The following TMC1 variants were observed in gnomAD, a reference collection of about 807,000 sequenced individuals.
The protein encoded by TMC1 is transmembrane channel-like protein 1.
In TMC1, 84 loss-of-function variants were observed where a neutral mutation model predicts 105.8. The observed-to-expected ratio is 0.79, with a 90% CI of 0.67 to 0.95. The LOEUF is 0.95. Ranked by LOEUF, TMC1 falls within the 40% of genes least tolerant of loss-of-function variation. TMC1 has a pLI of 0.00. For synonymous variants in TMC1, 315 were observed against 311.5 expected, an observed-to-expected ratio of 1.01 and a Z score of -0.12; for missense variants, 817 against 914.1, an observed-to-expected ratio of 0.89 and a Z score of 1.37.
At chr9:72,557,294 C>G (rs1823958458) in intron 1 of TMC1, among the ~76,000 whole-genome samples, 1 of 152,060 alleles carries the variant, frequency 6.6e-6, no homozygotes, top group South Asian at 2.1e-4. Context: ...TCGCTTGAAC[C>G]CGGGGGGCAA....
intron 3 of TMC1, among the ~76,000 whole-genome samples, chr9:72,622,259 A>C (rs959384007): frequency 9.8e-5 from 15 of 152,314 alleles, no homozygotes; most frequent in Admixed American, 9.2e-4. Flanking sequence ...AGCACCAAGC[A>C]AAGGAAGGTC....
chr9:72,791,900 G>A lies in TMC1; in HGVS notation c.1239G>A (p.Met413Ile). 1.9e-6 allele frequency: 3 copies of A among 1,612,518 alleles called. No homozygotes were observed. Among genetic ancestry groups the A allele is most frequent in the Non-Finnish European group, 2.5e-6 (3 of 1,179,726 alleles). The change falls in exon 16 of 24, where the codon ATG (methionine) becomes ATA (isoleucine). Residue 413 changes from methionine (M) to isoleucine (I), a missense_variant. Transcript: ENST00000297784. Reference sequence around the variant, plus strand: ...CCTCCTTGTAGATGAACATGGTTATGTCCCTCCTAGGGATGTTCTGTCCAA... The same window carrying A: ...CCTCCTTGTAGATGAACATGGTTATATCCCTCCTAGGGATGTTCTGTCCAA... Reference protein sequence around the residue: ...WWEKNEMNMVMSLLGMFCPTL... With the variant: ...WWEKNEMNMVISLLGMFCPTL...
intron 5 of TMC1, among the ~76,000 whole-genome samples, chr9:72,659,408 G>T (rs1228660339): frequency 6.6e-6 from 1 of 152,192 alleles, no homozygotes; most frequent in Non-Finnish European, 1.5e-5. Context: ...GCCAAGGTGG[G>T]CAGATTACTT....
chr9:72,812,097 C>T (rs997054251), intron 18 of TMC1, among the ~76,000 whole-genome samples: 3 of 152,118 alleles, frequency 2.0e-5, no homozygotes, highest in African/African-American at 2.4e-5. Context: ...GAATTTACAC[C>T]GTAATGCTTG....
At chr9:72,668,793 CATG>C (rs956113919) in intron 5 of TMC1, among the ~76,000 whole-genome samples, 22 of 151,994 alleles carry the variant, frequency 1.4e-4, no homozygotes, top group African/African-American at 4.8e-4. Context: ...CCTGTTTTTT[CATG>C]ATATTTTATA....
At chr9:72,733,827 C>T (rs1487805918) in intron 8 of TMC1, among the ~76,000 whole-genome samples, 1 of 152,162 alleles carries the variant, frequency 6.6e-6, no homozygotes, top group East Asian at 1.9e-4. Flanking sequence ...TACCATAGAT[C>T]TTAGCAACCT....
At chr9:72,551,320 C>T (rs1343366447) in intron 1 of TMC1, among the ~76,000 whole-genome samples, 2 of 152,190 alleles carry the variant, frequency 1.3e-5, no homozygotes, top group Non-Finnish European at 2.9e-5. Context: ...TGGGATCCAT[C>T]TGCCCTAGCC....
chr9:72,713,993 A>G (rs947120098), intron 8 of TMC1, among the ~76,000 whole-genome samples: 1 of 152,174 alleles, frequency 6.6e-6, no homozygotes, highest in African/African-American at 2.4e-5. Flanking sequence ...GCTTCAAAGA[A>G]CATCTTTATT....
intron 6 of TMC1, among the ~76,000 whole-genome samples, chr9:72,692,056 A>G (rs572263552): frequency 6.6e-6 from 1 of 152,282 alleles, no homozygotes; most frequent in African/African-American, 2.4e-5. Context: ...TTTTCTCCCC[A>G]GAGAGGTGCA....
At chr9:72,776,716 G>C (rs1289863473) in intron 13 of TMC1, among the ~76,000 whole-genome samples, 1 of 152,078 alleles carries the variant, frequency 6.6e-6, no homozygotes, top group East Asian at 1.9e-4. Flanking sequence ...TGGATGGATG[G>C]AGAAATTAAG....
At chr9:72,614,813 T>G (rs1471821694) in intron 2 of TMC1, among the ~76,000 whole-genome samples, 1 of 152,136 alleles carries the variant, frequency 6.6e-6, no homozygotes, top group African/African-American at 2.4e-5. Flanking sequence ...CCTGAGTAGC[T>G]GGGATTACAG....
intron 7 of TMC1, among the ~76,000 whole-genome samples, chr9:72,698,225 G>C (rs1223890478): frequency 2.0e-5 from 3 of 152,098 alleles, no homozygotes; most frequent in Non-Finnish European, 4.4e-5. Flanking sequence ...GAACCAAAAT[G>C]ATTATTCTAA....
At chr9:72,576,618 CT>C (rs71357588) in intron 1 of TMC1, among the ~76,000 whole-genome samples, 16,886 of 134,650 alleles carry the variant, frequency 0.13, 1,021 homozygotes, top group Non-Finnish European at 0.16. Flanking sequence ...CTCCCAATTT[CT>C]TTTTTTTTTT....
intron 4 of TMC1, among the ~76,000 whole-genome samples, chr9:72,640,709 T>G (rs1825613494): frequency 6.6e-6 from 1 of 151,878 alleles, no homozygotes; most frequent in African/African-American, 2.4e-5. Context: ...CTCGGCTCAC[T>G]GCAAGCTCTG....
At chr9:72,680,546 T>A (rs1258542658) in intron 5 of TMC1, among the ~76,000 whole-genome samples, 1 of 152,124 alleles carries the variant, frequency 6.6e-6, no homozygotes, top group African/African-American at 2.4e-5. Flanking sequence ...TGAAGTAAAT[T>A]ATTTCACTTT....
chr9:72,575,690 C>T (rs1317183345), intron 1 of TMC1, among the ~76,000 whole-genome samples: 7 of 152,136 alleles, frequency 4.6e-5, no homozygotes, highest in African/African-American at 1.4e-4. Flanking sequence ...ACAAAGAAGC[C>T]TCATATGAGA....
intron 19 of TMC1, chr9:72,817,282 T>C (rs1288360320): frequency 2.6e-5 from 4 of 152,266 alleles, no homozygotes; most frequent in African/African-American, 9.6e-5. Context: ...GTTTCCTCCT[T>C]TGTCAGGTAG....
chr9:72,770,376 T>C (rs1193669267), intron 12 of TMC1, among the ~76,000 whole-genome samples: 1 of 133,128 alleles, frequency 7.5e-6, no homozygotes, highest in Non-Finnish European at 1.6e-5. Flanking sequence ...AAATTTATTA[T>C]ATAAATCTTT....
chr9:72,532,208 G>A (rs899797454), intron 1 of TMC1, among the ~76,000 whole-genome samples: 2 of 151,966 alleles, frequency 1.3e-5, no homozygotes, highest in African/African-American at 4.8e-5. Flanking sequence ...TGGGTTTATA[G>A]GCATTAGCCA....
Sources: gnomAD v4.1 joint callset for allele counts (sites outside exome capture counted in the v4.1 genomes callset) on GRCh38, gnomAD v4.1.1 for gene constraint, MANE v1.5 for transcripts, NCBI Gene and HGNC (gene_info 2026-07-23, HGNC 2026-07-21) for gene names.